The following DNAH9 variants were observed in gnomAD, a reference collection of about 807,000 sequenced individuals.
The protein encoded by DNAH9 is dynein axonemal heavy chain 9.
Under a neutral mutation model 471.6 loss-of-function variants are expected in DNAH9, and 345 were observed. The observed-to-expected ratio is 0.73, with a 90% confidence interval of 0.67 to 0.80. The LOEUF is 0.80. Among genes scored for constraint, DNAH9 ranks in the 30% least tolerant of loss-of-function variants. The pLI, the probability that DNAH9 is intolerant of heterozygous loss-of-function variation, is 0.00. For missense variants in DNAH9, 5,407 were observed against 5,609.2 expected (o/e 0.96, Z 1.15); for synonymous variants, 2,093 against 2,123.6 (o/e 0.99, Z 0.40).
chr17:11,693,328 G>A (rs988202556), intron 20 of DNAH9, among the ~76,000 whole-genome samples: 14 of 122,664 alleles, frequency 1.1e-4, no homozygotes, highest in Non-Finnish European at 1.9e-4. Flanking sequence ...CTCTGCAACC[G>A]CACCCTCCAC....
At position 11,923,756 on chromosome 17, in the gene DNAH9, A is replaced by G. The variant is rs1397244653; in HGVS notation, c.11750-58A>G. 3 of 1,599,624 alleles carry G rather than the reference A, an allele frequency of 1.9e-6. No homozygotes were observed. In the Admixed American group the frequency reaches 5.1e-5, roughly 27 times the overall value. On this transcript the variant is annotated intron_variant, in intron 61 of 68. Transcript: ENST00000262442. ...TGAGCGTGTGCATTTCCTTATGAAC[A>G]TCAAACATCCATCATTAGACACAAG...
At chr17:11,743,965 G>C (rs943418070) in intron 30 of DNAH9, among the ~76,000 whole-genome samples, 2 of 151,870 alleles carry the variant, frequency 1.3e-5, no homozygotes, top group Admixed American at 6.6e-5. Context: ...GAGTAGCTGG[G>C]ATAACAGGCA....
At chr17:11,917,000 C>T (rs1973981087) in intron 61 of DNAH9, among the ~76,000 whole-genome samples, 1 of 152,078 alleles carries the variant, frequency 6.6e-6, no homozygotes, top group Admixed American at 6.6e-5. Flanking sequence ...CACTCAGTCT[C>T]CTCCAGGATT....
intron 67 of DNAH9, among the ~76,000 whole-genome samples, chr17:11,944,680 C>A (rs1567567953): frequency 6.6e-6 from 1 of 152,170 alleles, no homozygotes; most frequent in Non-Finnish European, 1.5e-5. Context: ...CCAGACTCTC[C>A]TTAGGACCAT....
chr17:11,727,047 CAAAAAAAAAAAAAAAAA>C (rs55659834), intron 27 of DNAH9, among the ~76,000 whole-genome samples: 2 of 68,464 alleles, frequency 2.9e-5, no homozygotes, highest in Non-Finnish European at 4.9e-5. Context: ...GACTCCGTCT[CAAAAAAAAAAAAAAAAA>C]AAAAAAAAAA....
chr17:11,960,575 C>T (rs184217924), intron 67 of DNAH9, among the ~76,000 whole-genome samples: 1 of 151,190 alleles, frequency 6.6e-6, no homozygotes, highest in East Asian at 2.0e-4. Flanking sequence ...GCCTGGCCAA[C>T]ATGGTGAAAC....
chr17:11,843,890 T>TATATAC (rs1389217941), intron 49 of DNAH9, among the ~76,000 whole-genome samples: 23 of 127,220 alleles, frequency 1.8e-4, no homozygotes, highest in African/African-American at 3.1e-4. Flanking sequence ...TATATATATA[T>TATATAC]ACACATAGAG....
chr17:11,844,546 C>G (rs982837018), intron 49 of DNAH9, among the ~76,000 whole-genome samples: 5 of 152,058 alleles, frequency 3.3e-5, no homozygotes, highest in Non-Finnish European at 5.9e-5. Context: ...GCTGGGATTG[C>G]AGGCGCACAC....
intron 14 of DNAH9, among the ~76,000 whole-genome samples, chr17:11,662,965 C>T (rs1030437488): frequency 1.9e-4 from 29 of 151,528 alleles, no homozygotes; most frequent in Admixed American, 3.9e-4. Flanking sequence ...CCGTTTTATC[C>T]AGGATGGTCT....
intron 27 of DNAH9, among the ~76,000 whole-genome samples, chr17:11,726,398 T>G (rs1001189920): frequency 6.6e-6 from 1 of 152,196 alleles, no homozygotes. Context: ...TAATACAAAT[T>G]GTAAGTAGGC....
At chr17:11,660,177 G>T (rs2073732073) in intron 14 of DNAH9, among the ~76,000 whole-genome samples, 1 of 151,874 alleles carries the variant, frequency 6.6e-6, no homozygotes. Flanking sequence ...GCCTGTTAGG[G>T]TATAAACTTA....
chr17:11,797,038 A>T (rs1251784169), intron 42 of DNAH9, among the ~76,000 whole-genome samples: 1 of 152,200 alleles, frequency 6.6e-6, no homozygotes, highest in Non-Finnish European at 1.5e-5. Flanking sequence ...ATGCGTTAAG[A>T]TTACCATAAA....
chr17:11,665,120 A>G, intron 15 of DNAH9, 152 bp downstream of exon 15: 1 of 690,332 alleles, frequency 1.4e-6, no homozygotes. Flanking sequence ...CAGAAAAGGT[A>G]TCGAACTTCT....
At position 11,632,552 on chromosome 17, in the gene DNAH9, T is replaced by A. The variant is rs768202545; in HGVS notation, c.1519-35T>A. 32 of 1,098,938 alleles carry A rather than the reference T, an allele frequency of 2.9e-5. No homozygotes were observed. In the South Asian group the frequency reaches 3.0e-4, roughly 10 times the overall value. The allele number at this position is 1,098,938 out of a possible 1,614,324, so 68.1% of individuals were successfully genotyped here. ...ATAGTGGGGTTGGCTTACAGAAAAT[T>A]ACGTTTTCCTTATATATATATGGTG... On this transcript the variant is annotated intron_variant, in intron 7 of 68. Coordinates refer to ENST00000262442, the MANE Select transcript of DNAH9 (RefSeq NM_001372.4).
At chr17:11,904,148 A>G (rs556556448) in intron 60 of DNAH9, among the ~76,000 whole-genome samples, 8 of 152,194 alleles carry the variant, frequency 5.3e-5, no homozygotes, top group Admixed American at 1.3e-4. Flanking sequence ...AAAGGGGGAG[A>G]AAAACAGAGA....
chr17:11,645,879 CTTTT>C (rs760279719), intron 11 of DNAH9, among the ~76,000 whole-genome samples: 2 of 70,608 alleles, frequency 2.8e-5, no homozygotes, highest in African/African-American at 7.9e-5. Context: ...TTTTCTTTTT[CTTTT>C]TTTTTTTTTT....
chr17:11,654,374 A>AAAAAAAAAAAAAAAAAAAAAAG lies in DNAH9; in HGVS notation c.2595+1376_2595+1377insAAAAAAAAAAAAAAAAAGAAAA, dbSNP rs1353333314. ...CCGTCTCAAAAAAAAAAAAAAAAAA[A>AAAAAAAAAAAAAAAAAAAAAAG]AAAAGTTTAAAATCGATCTATCATC... On this transcript the variant is annotated intron_variant, in intron 14 of 68. Coordinates refer to ENST00000262442, the MANE Select transcript of DNAH9 (RefSeq NM_001372.4). 4.3e-4 allele frequency among the ~76,000 whole-genome samples: 25 copies of AAAAAAAAAAAAAAAAAAAAAAG among 57,790 alleles called. 1 individual carries two copies. The highest frequency in any genetic ancestry group is 9.9e-4 in the Non-Finnish European group (24 of 24,150). The allele number at this position is 57,790 out of a possible 152,430, so 37.9% of individuals were successfully genotyped here. A position where few individuals can be genotyped will look rare whatever the true frequency, so the allele number is the denominator to read the frequency against.
rs371604008 is a variant in DNAH9 at position 11,969,419 on chromosome 17, C to T, written c.13353C>T (p.Tyr4451=). The T allele has an allele frequency of 1.2e-6, 2 of 1,613,912 alleles. No homozygotes were observed. Among genetic ancestry groups the T allele is most frequent in the Non-Finnish European group, 1.7e-6 (2 of 1,180,016 alleles). The change falls in exon 69 of 69, where the codon TAC becomes TAT. Residue 4451 remains tyrosine (Y), a synonymous_variant. Coordinates refer to ENST00000262442, the MANE Select transcript of DNAH9 (RefSeq NM_001372.4). ...DCRSVYSCPV[Y]KTSQRGPTYV... is the part of the protein sequence containing the mutation. The stretch of plus-strand genomic sequence containing the variant: ...GCAGTGTCTATTCCTGTCCTGTGTA[C>T]AAGACTAGTCAGCGGGGACCCACCT...
rs376576100 is a variant in DNAH9, at chr17:11,961,905, G to C, written c.12882G>C (p.Gln4294His). Residue 4294 changes from glutamine (Q) to histidine (H), a missense_variant, in exon 68 of 69, where the codon CAG (glutamine) becomes CAC (histidine). Gln to His is a conservative substitution (Grantham distance 24, BLOSUM62 0). Around this residue, in one of 3 missense-constraint regions of DNAH9, gnomAD observed 4,636 missense variants for 4,900.3 expected, o/e 0.95. Coordinates refer to ENST00000262442, the MANE Select transcript of DNAH9 (RefSeq NM_001372.4). ...LTMTSHMENLQNALYFDMVPE... is the reference protein window; with the variant it reads ...LTMTSHMENLHNALYFDMVPE... ...TGACCAGCCACATGGAGAACTTACA[G>C]AATGCCCTGTACTTCGATATGGTGC... 1.2e-6 allele frequency: 2 copies of C among 1,613,342 alleles called. No homozygotes were observed. The highest frequency in any genetic ancestry group is 1.7e-6 in the Non-Finnish European group (2 of 1,179,628).
Sources: gnomAD v4.1 joint callset for allele counts (sites outside exome capture counted in the v4.1 genomes callset) on GRCh38, gnomAD v4.1.1 for gene constraint, gnomAD v4.1.1 regional missense constraint, MANE v1.5 for transcripts, NCBI Gene and HGNC (gene_info 2026-07-23, HGNC 2026-07-21) for gene names.